Variants in CCDC148 observed in about 807,000 individuals in gnomAD.
The protein encoded by CCDC148 is coiled-coil domain containing 148.
Under a neutral mutation model 85.7 loss-of-function variants are expected in CCDC148, and 89 were observed. That is an observed-to-expected ratio of 1.04 (90% CI 0.87 to 1.24). The LOEUF is 1.24. CCDC148 is among the 50% of genes most tolerant of loss of function. CCDC148 has a pLI of 0.00. For synonymous variants in CCDC148, 230 were observed against 213.9 expected, an observed-to-expected ratio of 1.08 and a Z score of -0.66; for missense variants, 692 against 671.7, an observed-to-expected ratio of 1.03 and a Z score of -0.33.
At chr2:158,221,519 T>C (rs936617808) in intron 10 of CCDC148, among the ~76,000 whole-genome samples, 1 of 152,152 alleles carries the variant, frequency 6.6e-6, no homozygotes, top group African/African-American at 2.4e-5. Context: ...AGACTGGCTC[T>C]TGCAGGTGAG....
intron 2 of CCDC148, among the ~76,000 whole-genome samples, chr2:158,349,735 T>G (rs1329905832): frequency 6.6e-6 from 1 of 151,988 alleles, no homozygotes. Context: ...CAATGCATCT[T>G]CCTTAATCCA....
chr2:158,404,760 C>T (rs1304609390), intron 1 of CCDC148, among the ~76,000 whole-genome samples: 3 of 152,120 alleles, frequency 2.0e-5, no homozygotes, highest in East Asian at 1.9e-4. Context: ...CTGCATAGTG[C>T]GCCAGAACAT....
At chr2:158,236,981 A>T (rs1376609004) in intron 10 of CCDC148, among the ~76,000 whole-genome samples, 2 of 152,138 alleles carry the variant, frequency 1.3e-5, no homozygotes, top group Non-Finnish European at 2.9e-5. Context: ...GTGACAGAGA[A>T]AGAGGATGCC....
chr2:158,443,501 C>CAAAAA (rs1226963790), intron 1 of CCDC148, among the ~76,000 whole-genome samples: 15 of 59,266 alleles, frequency 2.5e-4, no homozygotes, highest in African/African-American at 6.7e-4. Context: ...AAGTCTATCT[C>CAAAAA]AAAAAAAAAA....
chr2:158,408,836 C>T (rs1686136123), intron 1 of CCDC148, among the ~76,000 whole-genome samples: 1 of 152,026 alleles, frequency 6.6e-6, no homozygotes, highest in African/African-American at 2.4e-5. Flanking sequence ...ATTTTCTCCA[C>T]ATCCTCACCA....
chr2:158,441,045 A>G (rs1342144820), intron 1 of CCDC148, among the ~76,000 whole-genome samples: 1 of 152,058 alleles, frequency 6.6e-6, no homozygotes, highest in Non-Finnish European at 1.5e-5. Flanking sequence ...ACACAGTGAG[A>G]CCCTGTCTCT....
At chr2:158,349,767 T>A (rs1245332157) in intron 2 of CCDC148, among the ~76,000 whole-genome samples, 1 of 151,948 alleles carries the variant, frequency 6.6e-6, no homozygotes, top group Non-Finnish European at 1.5e-5. Context: ...AAATGAAAAC[T>A]GCATGAAGAA....
intron 9 of CCDC148, among the ~76,000 whole-genome samples, chr2:158,280,243 A>C (rs1200795294): frequency 1.3e-5 from 2 of 152,224 alleles, no homozygotes; most frequent in African/African-American, 2.4e-5. Context: ...ACCAGCTAAC[A>C]TCATAATCAC....
chr2:158,275,185 A>G (rs999622761), intron 9 of CCDC148, among the ~76,000 whole-genome samples: 8 of 152,242 alleles, frequency 5.3e-5, no homozygotes, highest in African/African-American at 1.7e-4. Context: ...GAATCTGTAG[A>G]ATAAATTCTA....
chr2:158,177,421 T>C (rs1684647728), intron 12 of CCDC148, among the ~76,000 whole-genome samples: 1 of 152,116 alleles, frequency 6.6e-6, no homozygotes, highest in Non-Finnish European at 1.5e-5. Flanking sequence ...TGTAATAAAA[T>C]AACTGAGGGT....
intron 9 of CCDC148, among the ~76,000 whole-genome samples, chr2:158,267,946 A>G (rs959101578): frequency 1.3e-5 from 2 of 152,172 alleles, no homozygotes; most frequent in Admixed American, 6.6e-5. Flanking sequence ...GAATACTTTG[A>G]GAAGTATTCC....
intron 7 of CCDC148, among the ~76,000 whole-genome samples, chr2:158,314,647 A>G (rs899605610): frequency 6.6e-6 from 1 of 152,236 alleles, no homozygotes; most frequent in African/African-American, 2.4e-5. Context: ...AGTTTGCAAT[A>G]TCAGTTTGAA....
intron 5 of CCDC148, among the ~76,000 whole-genome samples, chr2:158,339,892 C>CT (rs1408393300): frequency 6.6e-6 from 1 of 152,120 alleles, no homozygotes; most frequent in Non-Finnish European, 1.5e-5. Context: ...GATAGAAGGA[C>CT]TTATGTACTC....
chr2:158,190,265 T>C (rs1370082327), intron 11 of CCDC148, among the ~76,000 whole-genome samples: 2 of 151,924 alleles, frequency 1.3e-5, no homozygotes, highest in African/African-American at 4.8e-5. Context: ...CAGGCAGAAA[T>C]AATGTTGGCT....
intron 9 of CCDC148, among the ~76,000 whole-genome samples, chr2:158,254,323 A>T (rs1191402078): frequency 2.0e-5 from 3 of 151,636 alleles, no homozygotes; most frequent in Admixed American, 1.3e-4. Flanking sequence ...ATGTTCTATA[A>T]CGTTAGAGAT....
chr2:158,321,047 A>C (rs1268175153), intron 7 of CCDC148, among the ~76,000 whole-genome samples: 2 of 152,232 alleles, frequency 1.3e-5, no homozygotes, highest in Admixed American at 6.5e-5. Flanking sequence ...GGTATCCTGC[A>C]GAAAGTGAAC....
intron 12 of CCDC148, 82 bp downstream of exon 12, chr2:158,178,797 C>T (rs188805475): frequency 4.3e-6 from 4 of 919,554 alleles, no homozygotes; most frequent in Admixed American, 2.0e-5. Context: ...ATGAACTAAG[C>T]CCCAGTAAGA....
intron 1 of CCDC148, among the ~76,000 whole-genome samples, chr2:158,431,677 C>T (rs1471496707): frequency 1.3e-5 from 2 of 152,148 alleles, no homozygotes; most frequent in Non-Finnish European, 2.9e-5. Flanking sequence ...GTGGCTCATG[C>T]CTATAACCCC....
chr2:158,378,881 C>T (rs757472252), intron 1 of CCDC148, among the ~76,000 whole-genome samples: 3 of 152,110 alleles, frequency 2.0e-5, no homozygotes, highest in African/African-American at 4.8e-5. Context: ...CAATGCACCT[C>T]GTCAGCCACG....
Sources: allele counts gnomAD v4.1 joint callset (sites outside exome capture counted in the v4.1 genomes callset), GRCh38; gene constraint gnomAD v4.1.1; transcripts MANE v1.5; gene names NCBI Gene and HGNC (gene_info 2026-07-23, HGNC 2026-07-21).